The following PRPSAP1 variants were observed in gnomAD, a reference collection of about 807,000 sequenced individuals.
PRPSAP1 encodes the protein phosphoribosyl pyrophosphate synthase-associated protein 1.
Under a neutral mutation model 39.4 loss-of-function variants are expected in PRPSAP1, and 31 were observed. That is an observed-to-expected ratio of 0.79 (90% CI 0.59 to 1.06). PRPSAP1 has a LOEUF of 1.06. Among genes scored for constraint, PRPSAP1 ranks in the 50% least tolerant of loss-of-function variants. The pLI is 0.00. For synonymous variants in PRPSAP1, 212 were observed against 192.6 expected, an observed-to-expected ratio of 1.10 and a Z score of -0.83; for missense variants, 430 against 511.6, an observed-to-expected ratio of 0.84 and a Z score of 1.54.
At chr17:76,327,593 C>T (rs937512684) in intron 7 of PRPSAP1, among the ~76,000 whole-genome samples, 3 of 152,040 alleles carry the variant, frequency 2.0e-5, no homozygotes, top group Non-Finnish European at 4.4e-5. Flanking sequence ...GAAGAGGTTG[C>T]AGTGAGCCAA....
At chr17:76,332,004 G>A (rs376698561) in intron 4 of PRPSAP1, among the ~76,000 whole-genome samples, 8 of 152,208 alleles carry the variant, frequency 5.3e-5, no homozygotes, top group African/African-American at 1.4e-4. Flanking sequence ...AGAATTTAGC[G>A]ATGACAAGAT....
chr17:76,345,237 T>TTAAAAAAAAAA (rs1229631533), intron 2 of PRPSAP1, among the ~76,000 whole-genome samples: 2 of 62,194 alleles, frequency 3.2e-5, no homozygotes, highest in African/African-American at 1.1e-4. Flanking sequence ...TCCGTCTCAT[T>TTAAAAAAAAAA]AAAAAAAAAA....
At chr17:76,331,749 G>A (rs1321734490) in intron 4 of PRPSAP1, among the ~76,000 whole-genome samples, 1 of 152,030 alleles carries the variant, frequency 6.6e-6, no homozygotes, top group African/African-American at 2.4e-5. Flanking sequence ...GACATCAGAT[G>A]AATAGAAACC....
At chr17:76,329,070 A>T in intron 6 of PRPSAP1, 1 of 523,746 alleles carries the variant, frequency 1.9e-6, no homozygotes, top group Non-Finnish European at 3.1e-6. Flanking sequence ...ATCTGATTCT[A>T]GACATTTTTT....
At chr17:76,311,959 T>C (rs1053154834) in intron 9 of PRPSAP1, among the ~76,000 whole-genome samples, 4 of 152,178 alleles carry the variant, frequency 2.6e-5, no homozygotes, top group Non-Finnish European at 5.9e-5. Flanking sequence ...CCCAGTGCTA[T>C]GCAAAACTCT....
intron 3 of PRPSAP1, among the ~76,000 whole-genome samples, chr17:76,339,196 G>A (rs529927835): frequency 1.6e-4 from 25 of 152,014 alleles, no homozygotes; most frequent in Admixed American, 1.6e-3. Context: ...CCTGAGGTCA[G>A]GAGTTTGAGA....
chr17:76,336,934 G>C (rs1313917464), intron 3 of PRPSAP1, among the ~76,000 whole-genome samples: 2 of 152,098 alleles, frequency 1.3e-5, no homozygotes, highest in Non-Finnish European at 2.9e-5. Context: ...TTGGACACCA[G>C]GCAGTTACTT....
chr17:76,320,006 A>AC (rs2071172036), intron 7 of PRPSAP1, among the ~76,000 whole-genome samples: 1 of 152,016 alleles, frequency 6.6e-6, no homozygotes, highest in South Asian at 2.1e-4. Context: ...ATGGTGGCTC[A>AC]CATCTGTAAT....
At chr17:76,324,418 G>A (rs2071230024) in intron 7 of PRPSAP1, among the ~76,000 whole-genome samples, 1 of 151,796 alleles carries the variant, frequency 6.6e-6, no homozygotes, top group South Asian at 2.1e-4. Flanking sequence ...GACCAACATG[G>A]TGAAACCCTG....
At chr17:76,341,225 CTTT>C (rs1227950670) in intron 3 of PRPSAP1, among the ~76,000 whole-genome samples, 2 of 122,120 alleles carry the variant, frequency 1.6e-5, no homozygotes, top group East Asian at 2.2e-4. Context: ...AACAATTTGA[CTTT>C]TTTTTGTTTT....
chr17:76,340,635 A>G (rs933159473), intron 3 of PRPSAP1, among the ~76,000 whole-genome samples: 8 of 151,974 alleles, frequency 5.3e-5, no homozygotes, highest in African/African-American at 1.9e-4. Context: ...TCGCGCCTGT[A>G]ATGCCAGCAC....
At chr17:76,352,871 G>A (rs559137724) in intron 1 of PRPSAP1, among the ~76,000 whole-genome samples, 1 of 152,198 alleles carries the variant, frequency 6.6e-6, no homozygotes, top group African/African-American at 2.4e-5. Context: ...GGCAAGGCTG[G>A]GAGGGCATCT....
intron 4 of PRPSAP1, 57 bp downstream of exon 4, chr17:76,332,204 AAC>A: frequency 1.3e-6 from 2 of 1,572,994 alleles, no homozygotes; most frequent in Non-Finnish European, 1.7e-6. Context: ...AGCTAAGTCC[AAC>A]TAGGAAAGAG....
chr17:76,327,541 C>T (rs770202464), intron 7 of PRPSAP1, among the ~76,000 whole-genome samples: 11 of 150,660 alleles, frequency 7.3e-5, no homozygotes, highest in Non-Finnish European at 1.5e-4. Context: ...TAGCCCCAGC[C>T]ACTGGAGAGG....
chr17:76,325,411 CAAAAAAAAA>C (rs761293363), intron 7 of PRPSAP1, among the ~76,000 whole-genome samples: 175 of 18,880 alleles, frequency 9.3e-3, no homozygotes, highest in African/African-American at 0.037. Context: ...GACTCAGTCT[CAAAAAAAAA>C]AAAAAAAAAA....
rs1465357290 is a variant in PRPSAP1 at position 76,328,700 on chromosome 17, C to T, written c.781+17G>A. The T allele has an allele frequency of 6.2e-7, 1 of 1,606,746 alleles. No individual in the cohort carries two copies. Among genetic ancestry groups the T allele is most frequent in the Non-Finnish European group, 8.5e-7 (1 of 1,178,000 alleles). On this transcript the variant is annotated intron_variant, in intron 7 of 9. Transcript: ENST00000446526. ...CTTCAATTTACAAATAAAATAAAAA[C>T]ACAGAGCTCATCTTACATGGCAACT...
In PRPSAP1 at chr17:76,324,875, C is replaced by T. The variant is rs1472872809; in HGVS notation, c.781+3842G>A. 2.7e-5 allele frequency among the ~76,000 whole-genome samples: 4 copies of T among 148,688 alleles called. No individual in the cohort carries two copies. In the Admixed American group the frequency reaches 2.7e-4, roughly 10 times the overall value. On this transcript the variant is annotated intron_variant, in intron 7 of 9. Transcript: ENST00000446526. ...AGGAGATCGAGACCATCCTGGCTAA[C>T]ATGGTGAAACCCCATCTCTACTAAA...
intron 9 of PRPSAP1, 164 bp downstream of exon 9, chr17:76,312,706 G>A (rs2071081427): frequency 1.2e-6 from 1 of 817,138 alleles, no homozygotes; most frequent in South Asian, 2.4e-5. Flanking sequence ...GTAAGTCGTG[G>A]ACTATCTGTA....
intron 3 of PRPSAP1, among the ~76,000 whole-genome samples, chr17:76,336,245 C>G (rs1260518452): frequency 2.0e-5 from 3 of 152,160 alleles, no homozygotes; most frequent in Non-Finnish European, 4.4e-5. Flanking sequence ...AGAGACCAGC[C>G]TAACCAACAT....
Sources: allele counts gnomAD v4.1 joint callset (sites outside exome capture counted in the v4.1 genomes callset), GRCh38; gene constraint gnomAD v4.1.1; transcripts MANE v1.5; gene names NCBI Gene and HGNC (gene_info 2026-07-23, HGNC 2026-07-21).